The following AMPH variants were observed in gnomAD, a reference collection of about 807,000 sequenced individuals.
AMPH encodes amphiphysin.
AMPH carries 49 observed loss-of-function variants against 99.1 expected under a neutral mutation model. That is an observed-to-expected ratio of 0.49 (90% CI 0.39 to 0.63). The LOEUF (loss-of-function observed/expected upper bound fraction) is 0.63. AMPH is among the 20% of genes least tolerant of loss of function. AMPH has a pLI of 0.00. For missense variants in AMPH, 759 were observed against 863.4 expected, an observed-to-expected ratio of 0.88 and a Z score of 1.52; for synonymous variants, 314 against 317.3, an observed-to-expected ratio of 0.99 and a Z score of 0.11.
At chr7:38,605,741 A>T (rs1793413555) in intron 1 of AMPH, among the ~76,000 whole-genome samples, 1 of 149,050 alleles carries the variant, frequency 6.7e-6, no homozygotes, top group South Asian at 2.1e-4. Flanking sequence ...ATGCCCAGCT[A>T]TTTTTTTTTT....
intron 11 of AMPH, among the ~76,000 whole-genome samples, chr7:38,448,156 T>G (rs1409135872): frequency 6.6e-6 from 1 of 152,232 alleles, no homozygotes; most frequent in African/African-American, 2.4e-5. Flanking sequence ...TAGGAAAGTT[T>G]ACCTTCGTGG....
intron 17 of AMPH, among the ~76,000 whole-genome samples, chr7:38,410,145 A>C (rs1436147757): frequency 6.6e-6 from 1 of 152,192 alleles, no homozygotes; most frequent in African/African-American, 2.4e-5. Context: ...TTTGAATGAT[A>C]TGTAAGGTGC....
At chr7:38,556,328 A>G (rs1490535163) in intron 1 of AMPH, among the ~76,000 whole-genome samples, 1 of 152,184 alleles carries the variant, frequency 6.6e-6, no homozygotes, top group African/African-American at 2.4e-5. Flanking sequence ...CTGTTATTAG[A>G]CACCTGCTGT....
intron 1 of AMPH, among the ~76,000 whole-genome samples, chr7:38,558,817 G>A (rs751249296): frequency 1.3e-4 from 20 of 152,282 alleles, no homozygotes; most frequent in Non-Finnish European, 2.9e-5. Flanking sequence ...GGGACAAAAG[G>A]CATCTAGAGT....
At chr7:38,626,788 C>T (rs1458545155) in intron 1 of AMPH, among the ~76,000 whole-genome samples, 1 of 151,984 alleles carries the variant, frequency 6.6e-6, no homozygotes, top group Non-Finnish European at 1.5e-5. Flanking sequence ...TGACAAAGGG[C>T]TAATTATCCA....
chr7:38,512,807 G>A (rs1440988124), intron 2 of AMPH, among the ~76,000 whole-genome samples: 1 of 152,106 alleles, frequency 6.6e-6, no homozygotes, highest in Non-Finnish European at 1.5e-5. Flanking sequence ...TCTTACTGAT[G>A]AAATAAAATA....
At chr7:38,593,606 C>T (rs10247532) in intron 1 of AMPH, among the ~76,000 whole-genome samples, 58,550 of 152,074 alleles carry the variant, frequency 0.39, 12,070 homozygotes, top group East Asian at 0.53. Context: ...TAGCTTTGCT[C>T]TGCAAAGAAG....
chr7:38,459,053 C>T (rs1479514552), intron 11 of AMPH, among the ~76,000 whole-genome samples: 2 of 151,818 alleles, frequency 1.3e-5, no homozygotes, highest in Non-Finnish European at 2.9e-5. Context: ...AATCAACATA[C>T]AAAAATCGGT....
chr7:38,522,425 C>T (rs752805664), intron 2 of AMPH, among the ~76,000 whole-genome samples: 8 of 152,100 alleles, frequency 5.3e-5, no homozygotes, highest in East Asian at 1.9e-4. Context: ...TTTAAACAAG[C>T]GGGATACTTC....
chr7:38,468,270 CATTT>C (rs1234109096), intron 7 of AMPH, among the ~76,000 whole-genome samples: 2 of 152,176 alleles, frequency 1.3e-5, no homozygotes, highest in African/African-American at 4.8e-5. Context: ...CACTTTCATT[CATTT>C]ATTTATTGCT....
chr7:38,507,888 A>G (rs1255741853), intron 2 of AMPH, among the ~76,000 whole-genome samples: 1 of 152,174 alleles, frequency 6.6e-6, no homozygotes, highest in Non-Finnish European at 1.5e-5. Flanking sequence ...CTTCTTAGAG[A>G]AGATCCAACT....
chr7:38,618,860 A>G (rs1418655780), intron 1 of AMPH, among the ~76,000 whole-genome samples: 2 of 152,242 alleles, frequency 1.3e-5, no homozygotes, highest in Admixed American at 6.5e-5. Flanking sequence ...TATACATGAC[A>G]AACATAAATC....
chr7:38,507,584 A>T (rs1249154315), intron 2 of AMPH, among the ~76,000 whole-genome samples: 2 of 152,266 alleles, frequency 1.3e-5, no homozygotes, highest in Non-Finnish European at 2.9e-5. Flanking sequence ...GAAATTAAAC[A>T]AATTCTTATA....
intron 17 of AMPH, among the ~76,000 whole-genome samples, chr7:38,397,948 A>G (rs1376340582): frequency 6.6e-6 from 1 of 152,184 alleles, no homozygotes; most frequent in African/African-American, 2.4e-5. Flanking sequence ...AATCGAAACT[A>G]CAATGAGATC....
chr7:38,403,551 C>T (rs1156524842), intron 17 of AMPH, among the ~76,000 whole-genome samples: 1 of 152,162 alleles, frequency 6.6e-6, no homozygotes, highest in African/African-American at 2.4e-5. Context: ...TCACCAGACC[C>T]CTGCAAACAT....
chr7:38,566,385 C>T (rs1299561426), intron 1 of AMPH, among the ~76,000 whole-genome samples: 3 of 151,994 alleles, frequency 2.0e-5, no homozygotes, highest in Non-Finnish European at 4.4e-5. Flanking sequence ...GATCCTTCTG[C>T]CTCAGCCTCC....
chr7:38,483,028 A>G (rs1032572226), intron 5 of AMPH, among the ~76,000 whole-genome samples: 1 of 152,106 alleles, frequency 6.6e-6, no homozygotes, highest in Non-Finnish European at 1.5e-5. Context: ...AAGCAGGAAA[A>G]GGGGAGCTAC....
At chr7:38,564,036 T>C (rs1232213619) in intron 1 of AMPH, among the ~76,000 whole-genome samples, 1 of 152,198 alleles carries the variant, frequency 6.6e-6, no homozygotes, top group Non-Finnish European at 1.5e-5. Flanking sequence ...GCTTCCAACT[T>C]TTTACAATAA....
Position 38,394,229 on chromosome 7 carries a change from C to T in AMPH, c.1399-15G>A. 6.2e-7 allele frequency: 1 copy of T among 1,613,692 alleles called. No individual in the cohort carries two copies. The highest frequency in any genetic ancestry group is 8.5e-7 in the Non-Finnish European group (1 of 1,179,926). ...CCAGGTATGATCTGCAGGGCAGAAA[C>T]CAGCAGGCCACGTCTGCATCTCCAT... On this transcript the variant is annotated splice_polypyrimidine_tract_variant and intron_variant, in intron 17 of 20. Coordinates refer to ENST00000356264, the MANE Select transcript of AMPH (RefSeq NM_001635.4).
Sources: allele counts gnomAD v4.1 joint callset (sites outside exome capture counted in the v4.1 genomes callset), GRCh38; gene constraint gnomAD v4.1.1; transcripts MANE v1.5; gene names NCBI Gene and HGNC (gene_info 2026-07-23, HGNC 2026-07-21).